ABCA12: variants seen among roughly 807,000 people sequenced by gnomAD.
ABCA12 encodes the protein glucosylceramide transporter ABCA12.
In ABCA12, 156 loss-of-function variants were observed where a neutral mutation model predicts 293.5. The ratio of observed to expected loss-of-function variants is 0.53; its 90% CI spans 0.47 to 0.61. The LOEUF (loss-of-function observed/expected upper bound fraction) is 0.61, where lower values mean the gene tolerates loss of function less well. Ranked by LOEUF, ABCA12 falls within the 20% of genes least tolerant of loss-of-function variation. ABCA12 has a pLI of 0.00. For synonymous variants in ABCA12, 1,063 were observed against 1,108.0 expected (o/e 0.96, Z 0.81); for missense variants, 2,797 against 3,090.2 (o/e 0.91, Z 2.25).
At chr2:215,035,039 G>A (rs1700962026) in intron 8 of ABCA12, among the ~76,000 whole-genome samples, 1 of 152,140 alleles carries the variant, frequency 6.6e-6, no homozygotes, top group African/African-American at 2.4e-5. Context: ...GGGTTACGGG[G>A]CAGGTATCTG....
chr2:214,933,817 G>GT (rs199914155), intron 52 of ABCA12, among the ~76,000 whole-genome samples: 3,600 of 152,116 alleles, frequency 0.024, 71 homozygotes, highest in Middle Eastern at 0.092. Flanking sequence ...AAATAGTGGG[G>GT]TTTTTTTCTT....
intron 33 of ABCA12, 90 bp from the exon 34 acceptor site, chr2:214,976,127 C>A: frequency 6.6e-7 from 1 of 1,520,376 alleles, no homozygotes; most frequent in Non-Finnish European, 9.0e-7. Flanking sequence ...TGGTATAATA[C>A]ACTGTGGTGG....
intron 33 of ABCA12, 88 bp downstream of exon 33, chr2:214,978,228 G>T: frequency 6.7e-7 from 1 of 1,501,302 alleles, no homozygotes; most frequent in South Asian, 1.2e-5. Flanking sequence ...CTTTAGAGTT[G>T]AATTTTTAAA....
chr2:215,025,547 T>C, intron 11 of ABCA12, 126 bp downstream of exon 11: 1 of 663,208 alleles, frequency 1.5e-6, no homozygotes, highest in South Asian at 1.8e-5. Context: ...TTTACAAAGA[T>C]CAGATTTAAA....
chr2:214,935,345 A>C (rs955808560), intron 51 of ABCA12, among the ~76,000 whole-genome samples: 1 of 152,202 alleles, frequency 6.6e-6, no homozygotes, highest in African/African-American at 2.4e-5. Flanking sequence ...GACCAGGGAG[A>C]ATGTAATTTC....
chr2:214,935,756 C>T (rs995893028), intron 51 of ABCA12, among the ~76,000 whole-genome samples: 4 of 152,110 alleles, frequency 2.6e-5, no homozygotes, highest in African/African-American at 4.8e-5. Context: ...ATGATTATGC[C>T]ACTGCACTCC....
At chr2:214,958,495 T>C (rs775732521) in intron 40 of ABCA12, 41 bp from the exon 41 acceptor site, 2 of 1,597,884 alleles carry the variant, frequency 1.3e-6, no homozygotes, top group Admixed American at 1.7e-5. Flanking sequence ...ACATAAGTTT[T>C]TGAAACTCTT....
chr2:215,119,386 A>G (rs1238056706), intron 1 of ABCA12, among the ~76,000 whole-genome samples: 4 of 152,208 alleles, frequency 2.6e-5, no homozygotes, highest in Non-Finnish European at 4.4e-5. Context: ...GCCAAGGCCA[A>G]TGTTGAGAAG....
At chr2:215,099,384 G>T (rs1446155921) in intron 2 of ABCA12, among the ~76,000 whole-genome samples, 1 of 152,204 alleles carries the variant, frequency 6.6e-6, no homozygotes, top group East Asian at 1.9e-4. Context: ...AAAGCCATGT[G>T]GCTAAGTCAC....
chr2:215,041,633 C>T (rs1035872145), intron 7 of ABCA12, among the ~76,000 whole-genome samples: 1 of 151,426 alleles, frequency 6.6e-6, no homozygotes, highest in Non-Finnish European at 1.5e-5. Flanking sequence ...AATAGACTAT[C>T]ATATATGATC....
chr2:214,941,107 C>T (rs1263306376), intron 50 of ABCA12, among the ~76,000 whole-genome samples: 1 of 152,052 alleles, frequency 6.6e-6, no homozygotes, highest in Admixed American at 6.6e-5. Flanking sequence ...TTTTAGTGCT[C>T]TAAATTTCCC....
At chr2:214,996,841 C>T (rs562256726) in intron 23 of ABCA12, among the ~76,000 whole-genome samples, 16 of 152,224 alleles carry the variant, frequency 1.1e-4, no homozygotes, top group African/African-American at 3.6e-4. Context: ...AGTGGATGGA[C>T]GGGTTCCTCT....
At chr2:215,128,481 C>A (rs976585267) in intron 1 of ABCA12, among the ~76,000 whole-genome samples, 1 of 152,148 alleles carries the variant, frequency 6.6e-6, no homozygotes, top group Non-Finnish European at 1.5e-5. Flanking sequence ...TTCTTGGAAG[C>A]TTTGTTGATA....
At chr2:214,956,843 T>A in intron 41 of ABCA12, 65 bp from the exon 42 acceptor site, 20 of 1,126,316 alleles carry the variant, frequency 1.8e-5, no homozygotes, top group Middle Eastern at 2.0e-4. Flanking sequence ...AAAAAATCAA[T>A]AACCCATCTA....
intron 23 of ABCA12, 131 bp downstream of exon 23, chr2:214,997,564 A>G (rs1700061622): frequency 3.0e-6 from 2 of 663,950 alleles, no homozygotes; most frequent in Admixed American, 3.2e-5. Flanking sequence ...TGATTTGTAA[A>G]AGGTTTTTCT....
rs768608429 is a variant in ABCA12, at chr2:215,026,825, G to A, written c.1175C>T (p.Ser392Leu). Residue 392 changes from serine to leucine, a missense_variant, in exon 10 of 53, where the codon TCA becomes TTA. Ser to Leu is a moderately radical substitution (Grantham distance 145). Coordinates refer to ENST00000272895, the MANE Select transcript of ABCA12 (RefSeq NM_173076.3). ...RNVTDSLARG[S>L]PENLRLLQST... ...ACTGTTAAGAACAGTATTACCTGGT[G>A]AACCTCTGGCCAAACTGTCAGTCAC... 3.1e-6 allele frequency: 5 copies of A among 1,600,022 alleles called. No individual in the cohort carries two copies. Among genetic ancestry groups the A allele is most frequent in the Non-Finnish European group, 4.3e-6 (5 of 1,167,292 alleles).
chr2:214,994,928 G>T (rs2105981809), intron 23 of ABCA12, among the ~76,000 whole-genome samples: 1 of 152,166 alleles, frequency 6.6e-6, no homozygotes, highest in East Asian at 1.9e-4. Context: ...ACTTACATTA[G>T]ATCAAACAGA....
In ABCA12 at chr2:214,947,395, G is replaced by A. The variant is rs368391238; in HGVS notation, c.7239+27C>T. 218 of 1,613,420 alleles carry A rather than the reference G, an allele frequency of 1.4e-4. No individual in the cohort carries two copies. In the South Asian group the frequency reaches 1.6e-3, roughly 12 times the overall value. ...AGATATGCTGTTCTAATTATGGAGT[G>A]GCCTGTTTAAATAATGATTCTCTTA... On this transcript the variant is annotated intron_variant, in intron 48 of 52. Transcript: ENST00000272895.
chr2:215,133,611 T>A (rs1703112265), intron 1 of ABCA12, among the ~76,000 whole-genome samples: 1 of 152,122 alleles, frequency 6.6e-6, no homozygotes, highest in African/African-American at 2.4e-5. Context: ...ATTTCATTAT[T>A]TTTAAAGTTA....
Sources: gnomAD v4.1 joint callset for allele counts (sites outside exome capture counted in the v4.1 genomes callset) on GRCh38, gnomAD v4.1.1 for gene constraint, MANE v1.5 for transcripts, NCBI Gene and HGNC (gene_info 2026-07-23, HGNC 2026-07-21) for gene names.